The following RFX7 variants were observed in gnomAD, a reference collection of about 807,000 sequenced individuals.
The protein encoded by RFX7 is regulatory factor X7, also known as DNA-binding protein RFX7.
In RFX7, 26 loss-of-function variants were observed where a neutral mutation model predicts 111.8. The observed-to-expected ratio is 0.23, with a 90% CI of 0.17 to 0.32. RFX7 has a LOEUF of 0.32. Among genes scored for constraint, RFX7 ranks in the 10% least tolerant of loss-of-function variants. RFX7 has a pLI of 1.00. For missense variants in RFX7, 1,573 were observed against 1,772.9 expected, an observed-to-expected ratio of 0.89 and a Z score of 2.02; for synonymous variants, 624 against 624.4, an observed-to-expected ratio of 1.00 and a Z score of 0.01.
intron 2 of RFX7, among the ~76,000 whole-genome samples, chr15:56,224,147 T>C (rs2043456029): frequency 6.6e-6 from 1 of 152,064 alleles, no homozygotes; most frequent in African/African-American, 2.4e-5. Context: ...TTGAAGGCAT[T>C]CACATTAAAA....
intron 3 of RFX7, among the ~76,000 whole-genome samples, chr15:56,165,185 T>C (rs1010280574): frequency 1.3e-5 from 2 of 152,206 alleles, no homozygotes; most frequent in African/African-American, 4.8e-5. Flanking sequence ...TAATGCTTGC[T>C]CGCCTGCTGC....
At chr15:56,135,740 T>C (rs1298567135) in intron 5 of RFX7, among the ~76,000 whole-genome samples, 2 of 152,012 alleles carry the variant, frequency 1.3e-5, no homozygotes, top group East Asian at 1.9e-4. Context: ...AGGGTTTTTA[T>C]GGTTTTAGGT....
intron 2 of RFX7, among the ~76,000 whole-genome samples, chr15:56,199,173 C>A (rs931756921): frequency 1.3e-5 from 2 of 152,118 alleles, no homozygotes; most frequent in African/African-American, 2.4e-5. Flanking sequence ...GGCTGTAAAT[C>A]AAAGATTCAA....
At chr15:56,224,914 C>T (rs1189527276) in intron 2 of RFX7, among the ~76,000 whole-genome samples, 3 of 152,056 alleles carry the variant, frequency 2.0e-5, no homozygotes, top group Non-Finnish European at 4.4e-5. Flanking sequence ...CTCTCTCTGC[C>T]TGTTTAAACA....
chr15:56,158,165 A>G (rs1226344218), intron 3 of RFX7, among the ~76,000 whole-genome samples: 5 of 152,218 alleles, frequency 3.3e-5, no homozygotes, highest in Non-Finnish European at 5.9e-5. Context: ...ATTGATGTCT[A>G]TATCAAGCAG....
chr15:56,136,513 T>G (rs1241401146), intron 5 of RFX7, among the ~76,000 whole-genome samples: 7 of 138,030 alleles, frequency 5.1e-5, no homozygotes, highest in African/African-American at 1.6e-4. Context: ...AAGGAGATTT[T>G]GGGCTGAGAC....
At chr15:56,222,578 G>A (rs182225034) in intron 2 of RFX7, among the ~76,000 whole-genome samples, 34 of 151,878 alleles carry the variant, frequency 2.2e-4, no homozygotes, top group Admixed American at 2.6e-4. Flanking sequence ...AGTTTTCTTC[G>A]TAGTTTCCAA....
chr15:56,104,619 G>A (rs933323097), intron 5 of RFX7, among the ~76,000 whole-genome samples: 1 of 152,220 alleles, frequency 6.6e-6, no homozygotes, highest in African/African-American at 2.4e-5. Context: ...GTAGATTGCT[G>A]AATGTCCTGA....
At chr15:56,192,836 T>C (rs2043112916) in intron 2 of RFX7, 1 of 223,832 alleles carries the variant, frequency 4.5e-6, no homozygotes, top group Middle Eastern at 5.2e-4. Flanking sequence ...TGCTTGTAAT[T>C]TGCAAAGAGG....
chr15:56,149,886 C>A lies in RFX7; in HGVS notation c.196-5403G>T, dbSNP rs867939530. ...CCATTTACTCCCCTGGAAAGGGGCG[C>A]TGAAGCCAGGGAGTCAAGTGGTCTG... is the stretch of plus-strand genomic sequence containing the variant. On this transcript the variant is annotated intron_variant, in intron 3 of 9. Coordinates refer to ENST00000559447, the MANE Select transcript of RFX7 (RefSeq NM_022841.7). Among the ~76,000 whole-genome samples, 5 of 152,134 alleles carry A rather than the reference C, an allele frequency of 3.3e-5. No individual in the cohort carries two copies. In the Middle Eastern group the frequency reaches 0.01, roughly 310 times the overall value.
intron 5 of RFX7, among the ~76,000 whole-genome samples, chr15:56,123,937 G>A (rs1170829120): frequency 6.6e-6 from 1 of 152,170 alleles, no homozygotes; most frequent in Non-Finnish European, 1.5e-5. Context: ...GGTGGTGTCA[G>A]CAATTCAAGA....
intron 2 of RFX7, among the ~76,000 whole-genome samples, chr15:56,227,988 T>G (rs1266969745): frequency 6.6e-6 from 1 of 152,160 alleles, no homozygotes; most frequent in Non-Finnish European, 1.5e-5. Context: ...AAATTCTAGG[T>G]TGGCGGTTTT....
chr15:56,243,065 C>CCCCCAATT, intron 2 of RFX7, 60 bp downstream of exon 2: 1 of 1,152,186 alleles, frequency 8.7e-7, no homozygotes, highest in Non-Finnish European at 1.2e-6. Flanking sequence ...CGCCCCCCAC[C>CCCCCAATT]CACTTTGCAG....
intron 3 of RFX7, among the ~76,000 whole-genome samples, chr15:56,148,598 T>C (rs756964879): frequency 1.3e-4 from 20 of 152,124 alleles, no homozygotes; most frequent in Non-Finnish European, 2.5e-4. Flanking sequence ...AATACTGACA[T>C]AAGAACTAGT....
chr15:56,243,026 C>G (rs2043723733), intron 2 of RFX7, 99 bp downstream of exon 2: 4 of 774,438 alleles, frequency 5.2e-6, no homozygotes, highest in Non-Finnish European at 5.8e-6. Flanking sequence ...ATGAATGCAT[C>G]AGCCTCCTCC....
At position 56,091,663 on chromosome 15, in the gene RFX7, G is replaced by GA. The variant is rs1159346572; in HGVS notation, c.*1681dup. 7 of 152,300 alleles carry GA rather than the reference G, an allele frequency of 4.6e-5. No individual in the cohort carries two copies. In the East Asian group the frequency reaches 1.4e-3, roughly 29 times the overall value. 9.4% of individuals were successfully genotyped at this position (152,300 alleles called of 1,614,324 possible). On this transcript the variant is annotated 3_prime_UTR_variant, in exon 10 of 10. Transcript: ENST00000559447. The stretch of plus-strand genomic sequence containing the variant: ...GTGCTGTGTCTCAATGTACAGTGAA[G>GA]AAATAACTAGCATCAAGAAAAAAAT...
At chr15:56,211,947 T>C (rs1432724799) in intron 2 of RFX7, among the ~76,000 whole-genome samples, 1 of 152,074 alleles carries the variant, frequency 6.6e-6, no homozygotes, top group Non-Finnish European at 1.5e-5. Context: ...ATGGAAGACA[T>C]TTTGGCAGTT....
At chr15:56,096,696 T>C in intron 9 of RFX7, 76 bp from the exon 10 acceptor site, 1 of 1,386,774 alleles carries the variant, frequency 7.2e-7, no homozygotes, top group South Asian at 1.6e-5. Context: ...GTATATACTT[T>C]TAAGTCATTT....
chr15:56,150,796 A>G (rs1483288839), intron 3 of RFX7, among the ~76,000 whole-genome samples: 1 of 152,234 alleles, frequency 6.6e-6, no homozygotes, highest in African/African-American at 2.4e-5. Flanking sequence ...TTCTAACCCA[A>G]TGCAAGGAAG....
Sources: gnomAD v4.1 joint callset for allele counts (sites outside exome capture counted in the v4.1 genomes callset) on GRCh38, gnomAD v4.1.1 for gene constraint, MANE v1.5 for transcripts, NCBI Gene and HGNC (gene_info 2026-07-23, HGNC 2026-07-21) for gene names.